Variants in SPATA17 observed in about 807,000 individuals in gnomAD.
SPATA17 encodes the protein spermatogenesis associated 17, also known as spermatogenesis-associated protein 17.
SPATA17 carries 53 observed loss-of-function variants against 62.2 expected under a neutral mutation model. That is an observed-to-expected ratio of 0.85 (90% CI 0.68 to 1.07). The LOEUF is 1.07. Ranked by LOEUF, SPATA17 falls within the 50% of genes least tolerant of loss-of-function variation. The pLI is 0.00. For missense variants in SPATA17, 466 were observed against 425.5 expected, an observed-to-expected ratio of 1.10 and a Z score of -0.84; for synonymous variants, 146 against 146.8, an observed-to-expected ratio of 0.99 and a Z score of 0.04.
At chr1:217,847,349 C>T (rs757354238) in intron 9 of SPATA17, among the ~76,000 whole-genome samples, 1 of 152,032 alleles carries the variant, frequency 6.6e-6, no homozygotes, top group Non-Finnish European at 1.5e-5. Context: ...TTTACCTACA[C>T]ATGTCTTTTG....
intron 8 of SPATA17, among the ~76,000 whole-genome samples, chr1:217,788,390 A>G (rs191940622): frequency 3.0e-4 from 46 of 152,296 alleles, no homozygotes; most frequent in Admixed American, 2.7e-3. Flanking sequence ...TTGCCCTGCC[A>G]AAGAGTCTAC....
At chr1:217,668,893 C>T (rs1670769394) in intron 3 of SPATA17, 140 bp from the exon 4 acceptor site, 1 of 756,836 alleles carries the variant, frequency 1.3e-6, no homozygotes, top group Non-Finnish European at 2.2e-6. Flanking sequence ...CTCTTCAATA[C>T]AACATTTGAT....
chr1:217,720,648 T>TA (rs1385157956), intron 5 of SPATA17, among the ~76,000 whole-genome samples: 2 of 152,056 alleles, frequency 1.3e-5, no homozygotes, highest in African/African-American at 4.8e-5. Context: ...ACATTTTTTT[T>TA]AAAAAAGAAA....
At chr1:217,755,071 AT>A (rs1673005834) in intron 6 of SPATA17, among the ~76,000 whole-genome samples, 1 of 152,136 alleles carries the variant, frequency 6.6e-6, no homozygotes, top group South Asian at 2.1e-4. Context: ...AAATGTAAAT[AT>A]TTTAAAATAC....
chr1:217,747,807 C>A lies in SPATA17; in HGVS notation c.519+5709C>A, dbSNP rs572504955. On this transcript the variant is annotated intron_variant, in intron 6 of 10. Transcript: ENST00000366933. Reference sequence around the variant, plus strand: ...ATACGATAGATTTTTGATGTTTTTCCTCACTCATCACTAAAGCAGTGAAAA... The same window carrying A: ...ATACGATAGATTTTTGATGTTTTTCATCACTCATCACTAAAGCAGTGAAAA... Among the ~76,000 whole-genome samples the A allele has an allele frequency of 4.4e-3, 675 of 151,978 alleles. 2 individuals are homozygous for A. The highest frequency in any genetic ancestry group is 0.017 in the Middle Eastern group (5 of 294).
chr1:217,724,048 A>T lies in SPATA17; in HGVS notation c.396-17927A>T, dbSNP rs1445086205. ...GAAAGGAAACAGGAGTGAAGGAATTATTTATCCACCATGACAAGTTACATT... is the reference window on the plus strand; with the variant it reads ...GAAAGGAAACAGGAGTGAAGGAATTTTTTATCCACCATGACAAGTTACATT... On this transcript the variant is annotated intron_variant, in intron 5 of 10. Transcript: ENST00000366933. Among the ~76,000 whole-genome samples, 3 of 152,348 alleles carry T rather than the reference A, an allele frequency of 2.0e-5. No homozygotes were observed. In the East Asian group the frequency reaches 5.8e-4, roughly 29 times the overall value.
At chr1:217,865,752 G>A (rs772910222) in intron 10 of SPATA17, among the ~76,000 whole-genome samples, 4 of 152,094 alleles carry the variant, frequency 2.6e-5, no homozygotes, top group Admixed American at 6.5e-5. Flanking sequence ...TAATGTACCC[G>A]ATTCAGTCTG....
chr1:217,655,030 A>G (rs950083480), intron 3 of SPATA17, among the ~76,000 whole-genome samples: 27 of 152,164 alleles, frequency 1.8e-4, no homozygotes, highest in African/African-American at 6.3e-4. Flanking sequence ...TTATTACAAT[A>G]TTAAAATCAG....
rs576480827 is a variant in SPATA17, at chr1:217,752,453, C to T, written c.519+10355C>T. Among the ~76,000 whole-genome samples, 20 of 152,218 alleles carry T rather than the reference C, an allele frequency of 1.3e-4. 1 individual carries two copies. In the South Asian group the frequency reaches 4.1e-3, roughly 32 times the overall value. On this transcript the variant is annotated intron_variant, in intron 6 of 10. Transcript: ENST00000366933. ...CTTTAATTAACTGCCTGAAACAGCT[C>T]TATGGCATTTGTTTTCTATGTTTTG...
intron 5 of SPATA17, among the ~76,000 whole-genome samples, chr1:217,723,002 A>G (rs968813992): frequency 6.6e-6 from 1 of 152,166 alleles, no homozygotes; most frequent in African/African-American, 2.4e-5. Flanking sequence ...CCATGGGGTC[A>G]AGAGGGACTT....
chr1:217,775,218 A>G (rs1673557653), intron 7 of SPATA17, among the ~76,000 whole-genome samples: 1 of 152,072 alleles, frequency 6.6e-6, no homozygotes, highest in African/African-American at 2.4e-5. Context: ...CCTATTGGCC[A>G]TTTGTGTGTC....
At chr1:217,756,829 T>C (rs998070643) in intron 6 of SPATA17, among the ~76,000 whole-genome samples, 5 of 152,320 alleles carry the variant, frequency 3.3e-5, no homozygotes, top group African/African-American at 1.2e-4. Flanking sequence ...AGTATTTTCA[T>C]CTTTGAAATA....
Position 217,792,858 on chromosome 1 carries a change from C to G in SPATA17, c.873-8860C>G, listed in dbSNP as rs942582568. 3.3e-5 allele frequency among the ~76,000 whole-genome samples: 5 copies of G among 151,902 alleles called. 1 individual carries two copies. The highest frequency in any genetic ancestry group is 2.0e-4 in the Admixed American group (3 of 15,234). On this transcript the variant is annotated intron_variant, in intron 8 of 10. Coordinates refer to ENST00000366933, the MANE Select transcript of SPATA17 (RefSeq NM_138796.4). ...CAGAGGCAGGAACGTCCTCTCATGC[C>G]CTGACTTGATGGCTTCTGACTTAGG...
intron 1 of SPATA17, among the ~76,000 whole-genome samples, chr1:217,640,108 T>C (rs1329664402): frequency 6.6e-6 from 1 of 150,950 alleles, no homozygotes; most frequent in African/African-American, 2.4e-5. Flanking sequence ...AGTTTTGTTA[T>C]ATTTTTCCTT....
intron 9 of SPATA17, among the ~76,000 whole-genome samples, chr1:217,813,593 A>G (rs561411370): frequency 6.6e-6 from 1 of 152,192 alleles, no homozygotes; most frequent in Non-Finnish European, 1.5e-5. Flanking sequence ...GGTGTAATTG[A>G]GGGAAAATAT....
intron 4 of SPATA17, among the ~76,000 whole-genome samples, chr1:217,671,077 A>C (rs947515240): frequency 2.0e-5 from 3 of 152,202 alleles, no homozygotes; most frequent in South Asian, 2.1e-4. Context: ...TATCAGTTAG[A>C]TATATATGGG....
intron 8 of SPATA17, among the ~76,000 whole-genome samples, chr1:217,787,493 CTT>C (rs1353615792): frequency 3.3e-5 from 5 of 152,082 alleles, no homozygotes; most frequent in South Asian, 4.1e-4. Context: ...CTGGTTCTCT[CTT>C]GTTTCTGTTA....
chr1:217,849,865 T>C (rs369936584), intron 9 of SPATA17, among the ~76,000 whole-genome samples: 1 of 152,150 alleles, frequency 6.6e-6, no homozygotes, highest in African/African-American at 2.4e-5. Flanking sequence ...CTGAAGATTC[T>C]AATGCCTGAC....
At chr1:217,672,939 A>G (rs1345096092) in intron 4 of SPATA17, among the ~76,000 whole-genome samples, 1 of 152,122 alleles carries the variant, frequency 6.6e-6, no homozygotes, top group Non-Finnish European at 1.5e-5. Flanking sequence ...TGTATCTTCA[A>G]TGCTTGGCTT....
Sources: allele counts gnomAD v4.1 joint callset (sites outside exome capture counted in the v4.1 genomes callset), GRCh38; gene constraint gnomAD v4.1.1; transcripts MANE v1.5; gene names NCBI Gene and HGNC (gene_info 2026-07-23, HGNC 2026-07-21).